Variants in RGS12 observed in about 807,000 individuals in gnomAD.
RGS12 encodes regulator of G-protein signaling 12.
RGS12 carries 66 observed loss-of-function variants against 120.1 expected under a neutral mutation model. That is an observed-to-expected ratio of 0.55 (90% CI 0.45 to 0.67). The LOEUF (loss-of-function observed/expected upper bound fraction) is 0.67, where lower values mean the gene tolerates loss of function less well. Ranked by LOEUF, RGS12 falls within the 30% of genes least tolerant of loss-of-function variation. The probability of loss-of-function intolerance (pLI) is 0.00; values close to 1 mark genes in which losing one functional copy is unlikely to be tolerated. For synonymous variants in RGS12, 827 were observed against 804.7 expected (o/e 1.03, Z -0.47); for missense variants, 1,859 against 1,957.7 (o/e 0.95, Z 0.95).
At chr4:3,352,726 G>A (rs902177014) in intron 3 of RGS12, among the ~76,000 whole-genome samples, 61 of 152,178 alleles carry the variant, frequency 4.0e-4, no homozygotes, top group African/African-American at 1.1e-3. Flanking sequence ...AGTAATTTGC[G>A]TATGTGTGTA....
chr4:3,429,467 C>T (rs970142010), intron 16 of RGS12, among the ~76,000 whole-genome samples: 1 of 152,178 alleles, frequency 6.6e-6, no homozygotes, highest in African/African-American at 2.4e-5. Context: ...CTTTGTTGGC[C>T]ACCGAGCACA....
chr4:3,296,841 A>T (rs959140635), intron 1 of RGS12, among the ~76,000 whole-genome samples: 12 of 152,132 alleles, frequency 7.9e-5, no homozygotes, highest in Non-Finnish European at 1.5e-5. Flanking sequence ...CTTGCTCAGG[A>T]TGCAAGCCCC....
At chr4:3,359,838 G>A (rs1267590968) in intron 3 of RGS12, among the ~76,000 whole-genome samples, 1 of 151,930 alleles carries the variant, frequency 6.6e-6, no homozygotes, top group Non-Finnish European at 1.5e-5. Flanking sequence ...GGCCAGGCTG[G>A]TCTCGAACTC....
At chr4:3,361,580 A>G (rs545586492) in intron 3 of RGS12, among the ~76,000 whole-genome samples, 289 of 152,194 alleles carry the variant, frequency 1.9e-3, no homozygotes, top group Non-Finnish European at 3.1e-3. Context: ...GCCGGGTGGG[A>G]TGGAAACCGA....
intron 15 of RGS12, 38 bp from the exon 16 acceptor site, chr4:3,428,520 G>T (rs1435759342): frequency 1.3e-6 from 2 of 1,530,326 alleles, no homozygotes; most frequent in African/African-American, 2.8e-5. Flanking sequence ...GTCGTGTATT[G>T]AAATGAAAGT....
At position 3,374,581 on chromosome 4, in the gene RGS12, C is replaced by T. The variant is rs189009230; in HGVS notation, c.1999-11835C>T. ...GGATTCTCCCCTCGCCTCCAGTGTA[C>T]CCCTCCCTCAGTCTGCCACATCTCA... On this transcript the variant is annotated intron_variant, in intron 3 of 17. Coordinates refer to ENST00000336727, the MANE Select transcript of RGS12 (RefSeq NM_001394154.1). This position sits in a 1 kb window ranked among gnomAD's most constrained non-coding sequence, Gnocchi z 6.3. Among the ~76,000 whole-genome samples, 10 of 152,118 alleles carry T rather than the reference C, an allele frequency of 6.6e-5. No homozygotes were observed. In the East Asian group the frequency reaches 1.9e-3, roughly 30 times the overall value.
intron 3 of RGS12, among the ~76,000 whole-genome samples, chr4:3,373,702 C>T (rs146214519): frequency 4.1e-4 from 63 of 152,316 alleles, no homozygotes; most frequent in African/African-American, 1.2e-3. Context: ...CCTGCTGTAT[C>T]GGTCAGCTTA....
chr4:3,388,069 G>T (rs1416171948), intron 4 of RGS12, among the ~76,000 whole-genome samples: 2 of 152,158 alleles, frequency 1.3e-5, no homozygotes, highest in Non-Finnish European at 2.9e-5. Flanking sequence ...CTGAGGAAGT[G>T]TATCCTGGCC....
intron 3 of RGS12, among the ~76,000 whole-genome samples, chr4:3,345,490 G>T (rs1274415704): frequency 6.6e-6 from 1 of 152,236 alleles, no homozygotes; most frequent in East Asian, 1.9e-4. Flanking sequence ...GGATGGAGCT[G>T]TCCCAGTTTG....
In RGS12 at chr4:3,390,344, A is replaced by T. The variant is rs1719356326; in HGVS notation, c.2020+3907A>T. On this transcript the variant is annotated intron_variant, in intron 4 of 17. Coordinates refer to ENST00000336727, the MANE Select transcript of RGS12 (RefSeq NM_001394154.1). This position sits in a 1 kb window ranked among gnomAD's most constrained non-coding sequence, Gnocchi z 4.6. ...GTGTGACCTCCACGTGGCAGGTCAG[A>T]GTTGTCCCGGCACCCGGCACAGCGG... Among the ~76,000 whole-genome samples, 1 of 152,184 alleles carries T rather than the reference A, an allele frequency of 6.6e-6. No individual in the cohort carries two copies. The highest frequency in any genetic ancestry group is 2.4e-5 in the African/African-American group (1 of 41,450).
Position 3,376,900 on chromosome 4 carries a change from G to A in RGS12, c.1999-9516G>A, listed in dbSNP as rs533741497. 2.8e-4 allele frequency among the ~76,000 whole-genome samples: 42 copies of A among 152,302 alleles called. 1 individual carries two copies. In the South Asian group the frequency reaches 8.7e-3, roughly 32 times the overall value. On this transcript the variant is annotated intron_variant, in intron 3 of 17. Transcript: ENST00000336727. Reference sequence around the variant, plus strand: ...TCCGAGGCCTCAGTCTCAGCCTCTGGCGTGGATGCTGTGCTCTTCTGCATT... The same window carrying A: ...TCCGAGGCCTCAGTCTCAGCCTCTGACGTGGATGCTGTGCTCTTCTGCATT...
intron 3 of RGS12, among the ~76,000 whole-genome samples, chr4:3,383,111 A>G (rs1232648459): frequency 2.6e-5 from 4 of 152,054 alleles, no homozygotes; most frequent in African/African-American, 9.7e-5. Context: ...TGTTGCACCT[A>G]GGACAACACT....
rs1326946799 is a variant in RGS12 at position 3,389,252 on chromosome 4, A to G, written c.2020+2815A>G. ...ATAATGGCCACCCGTTTGTAGCCAAAGAGTGCCCTCGGGAAAAAGGGTTAC... is the reference window on the plus strand; with the variant it reads ...ATAATGGCCACCCGTTTGTAGCCAAGGAGTGCCCTCGGGAAAAAGGGTTAC... On this transcript the variant is annotated intron_variant, in intron 4 of 17. Coordinates refer to ENST00000336727, the MANE Select transcript of RGS12 (RefSeq NM_001394154.1). This position sits in a 1 kb window ranked among gnomAD's most constrained non-coding sequence, Gnocchi z 5.2. Among the ~76,000 whole-genome samples the G allele has an allele frequency of 1.3e-5, 2 of 152,148 alleles. No individual in the cohort carries two copies. Among genetic ancestry groups the G allele is most frequent in the African/African-American group, 4.8e-5 (2 of 41,416 alleles).
chr4:3,421,715 C>T (rs3789739), intron 10 of RGS12, among the ~76,000 whole-genome samples: 42,104 of 152,162 alleles, frequency 0.28, 6,115 homozygotes, highest in East Asian at 0.47. Context: ...AGAGTAAGGA[C>T]GGCCTCTGGA....
chr4:3,422,111 G>A (rs1393447447), intron 10 of RGS12, among the ~76,000 whole-genome samples: 20 of 152,212 alleles, frequency 1.3e-4, no homozygotes, highest in Admixed American at 1.2e-3. Flanking sequence ...GAGAAGCCCA[G>A]ATGTGCCTTC....
At chr4:3,306,962 G>A (rs1724004543) in intron 1 of RGS12, among the ~76,000 whole-genome samples, 1 of 152,156 alleles carries the variant, frequency 6.6e-6, no homozygotes, top group Non-Finnish European at 1.5e-5. Flanking sequence ...CTCATTTTAG[G>A]CAACTAAGCA....
chr4:3,434,416 T>G (rs1724615608), intron 17 of RGS12, among the ~76,000 whole-genome samples: 1 of 152,098 alleles, frequency 6.6e-6, no homozygotes, highest in Non-Finnish European at 1.5e-5. Context: ...GATATACCCA[T>G]GTGCGTGCAT....
intron 3 of RGS12, among the ~76,000 whole-genome samples, chr4:3,353,308 A>T (rs2749776): frequency 1.3e-5 from 2 of 152,078 alleles, no homozygotes; most frequent in Non-Finnish European, 2.9e-5. Flanking sequence ...AAAAGAAGGC[A>T]TTCCTAGATC....
rs760940663 is a variant in RGS12, at chr4:3,316,355, A to C, written c.185A>C (p.Asp62Ala). Residue 62 changes from aspartate (D) to alanine (A), a missense_variant, in exon 2 of 18, where the codon GAC becomes GCC. By Grantham distance (126) the Asp-to-Ala change is moderately radical (BLOSUM62 -2). Coordinates refer to ENST00000336727, the MANE Select transcript of RGS12 (RefSeq NM_001394154.1). Reference protein sequence around the residue: ...PADFVGLRAGDQILAVNEINV... With the variant: ...PADFVGLRAGAQILAVNEINV... ...GATTTCGTGGGCCTCCGAGCTGGAG[A>C]CCAGATACTTGCTGTCAATGAAATC... The C allele has an allele frequency of 6.2e-7, 1 of 1,612,128 alleles. No individual in the cohort carries two copies. The highest frequency in any genetic ancestry group is 1.1e-5 in the South Asian group (1 of 90,652).
Sources: allele counts gnomAD v4.1 joint callset (sites outside exome capture counted in the v4.1 genomes callset), GRCh38; gene constraint gnomAD v4.1.1; non-coding constraint Gnocchi (gnomAD v3.1); transcripts MANE v1.5; gene names NCBI Gene and HGNC (gene_info 2026-07-23, HGNC 2026-07-21).